AUTS2: variants seen among roughly 807,000 people sequenced by gnomAD.
The protein encoded by AUTS2 is autism susceptibility gene 2 protein.
Under a neutral mutation model 112.4 loss-of-function variants are expected in AUTS2, and 17 were observed. That is an observed-to-expected ratio of 0.15 (90% confidence interval 0.10 to 0.23). AUTS2 has a LOEUF of 0.23. AUTS2 is among the 10% of genes least tolerant of loss of function. The probability of loss-of-function intolerance (pLI) is 1.00; values close to 1 mark genes in which losing one functional copy is unlikely to be tolerated. For synonymous variants in AUTS2, 751 were observed against 702.7 expected, an observed-to-expected ratio of 1.07 and a Z score of -1.09; for missense variants, 1,510 against 1,701.6, an observed-to-expected ratio of 0.89 and a Z score of 1.98.
rs180958381 is a variant in AUTS2 at position 70,573,996 on chromosome 7, C to T, written c.691-124573C>T. On this transcript the variant is annotated intron_variant, in intron 5 of 18. Coordinates refer to ENST00000342771, the MANE Select transcript of AUTS2 (RefSeq NM_015570.4). ...CTCCATGAAGGTGTATGTCTGTGAG[C>T]CTGGCTGTGCAGTTGGGAGGCCTGG... is the stretch of plus-strand genomic sequence containing the variant. 9.3e-4 allele frequency among the ~76,000 whole-genome samples: 142 copies of T among 152,214 alleles called. 5 individuals carry two copies. In the East Asian group the frequency reaches 0.025, roughly 26 times the overall value.
chr7:70,475,891 T>C (rs766350391), intron 5 of AUTS2, among the ~76,000 whole-genome samples: 3 of 152,066 alleles, frequency 2.0e-5, no homozygotes, highest in Admixed American at 6.6e-5. Context: ...TTCCCAGGTA[T>C]GGTGGTGGGT....
intron 4 of AUTS2, among the ~76,000 whole-genome samples, chr7:70,381,610 C>T (rs896865650): frequency 1.3e-5 from 2 of 152,056 alleles, no homozygotes; most frequent in African/African-American, 4.8e-5. Flanking sequence ...ATATTGTGGA[C>T]CTAAATGGAG....
intron 5 of AUTS2, among the ~76,000 whole-genome samples, chr7:70,469,883 G>A (rs186262817): frequency 5.2e-4 from 79 of 152,224 alleles, no homozygotes; most frequent in Middle Eastern, 6.8e-3. Context: ...CAGGTGATCC[G>A]CCTGCCTTGG....
chr7:69,937,352 A>C (rs1173721026), intron 2 of AUTS2, among the ~76,000 whole-genome samples: 1 of 152,184 alleles, frequency 6.6e-6, no homozygotes, highest in Non-Finnish European at 1.5e-5. Flanking sequence ...TCGGAAACCA[A>C]AGATTTCCTT....
chr7:69,992,996 G>T (rs1584540717), intron 2 of AUTS2, among the ~76,000 whole-genome samples: 1 of 152,194 alleles, frequency 6.6e-6, no homozygotes, highest in Non-Finnish European at 1.5e-5. Context: ...CCTCAACTCA[G>T]AATATTATTG....
chr7:70,679,953 G>T (rs576829330), intron 5 of AUTS2, among the ~76,000 whole-genome samples: 1 of 152,192 alleles, frequency 6.6e-6, no homozygotes, highest in Non-Finnish European at 1.5e-5. Flanking sequence ...TAATGGCCCC[G>T]TAGTACCAAC....
intron 4 of AUTS2, among the ~76,000 whole-genome samples, chr7:70,139,306 T>C (rs1448983270): frequency 6.6e-6 from 1 of 152,176 alleles, no homozygotes; most frequent in Admixed American, 6.5e-5. Flanking sequence ...TGTCTAACCA[T>C]AGTTGCTTTT....
intron 1 of AUTS2, among the ~76,000 whole-genome samples, chr7:69,744,228 G>T (rs978162388): frequency 6.6e-5 from 10 of 152,106 alleles, no homozygotes; most frequent in African/African-American, 2.4e-4. Context: ...CTTTTGGGTT[G>T]TTTCCAATTT....
At chr7:70,267,176 G>A in intron 4 of AUTS2, among the ~76,000 whole-genome samples, 1 of 152,020 alleles carries the variant, frequency 6.6e-6, no homozygotes, top group East Asian at 1.9e-4. Flanking sequence ...ATATCTGTAT[G>A]CTGTAGCAAA....
rs34967195 is a variant in AUTS2, at chr7:70,119,367, ATTT to A, written c.624+1148_624+1150del. ...TTTGTGAAATGGATCAAGTAAAGAG[ATTT>A]TTTTTTTTTTTTTGAGACTGAGTCT... On this transcript the variant is annotated intron_variant, in intron 3 of 18. Coordinates refer to ENST00000342771, the MANE Select transcript of AUTS2 (RefSeq NM_015570.4). 1.8e-4 allele frequency: 25 copies of A among 138,244 alleles called. No homozygotes were observed. The East Asian group carries it at 3.5e-3, about 19-fold the overall frequency. 8.6% of individuals were successfully genotyped at this position (138,244 alleles called of 1,614,324 possible). A position where few individuals can be genotyped will look rare whatever the true frequency, so the allele number is the denominator to read the frequency against.
At chr7:70,102,654 A>T (rs1210843382) in intron 2 of AUTS2, among the ~76,000 whole-genome samples, 1 of 152,134 alleles carries the variant, frequency 6.6e-6, no homozygotes, top group South Asian at 2.1e-4. Context: ...TAATAATCTT[A>T]TACTAATAAG....
At position 70,435,787 on chromosome 7, in the gene AUTS2, A is replaced by C. The variant is rs751287298; in HGVS notation, c.690+6A>C. 6 of 1,612,540 alleles carry C rather than the reference A, an allele frequency of 3.7e-6. No individual in the cohort carries two copies. Among genetic ancestry groups the C allele is most frequent in the Non-Finnish European group, 2.5e-6 (3 of 1,179,498 alleles). ...ACAGTGACCAGGAAGAGAAGGTAAG[A>C]CCCCCCCTCCCCCATTGTGGGCACA... On this transcript the variant is annotated splice_donor_region_variant and intron_variant, in intron 5 of 18. Transcript: ENST00000342771.
At chr7:70,253,706 T>C (rs1378430801) in intron 4 of AUTS2, among the ~76,000 whole-genome samples, 1 of 152,184 alleles carries the variant, frequency 6.6e-6, no homozygotes, top group Non-Finnish European at 1.5e-5. Flanking sequence ...ATTAAGGCTT[T>C]AAAACTCTAT....
In AUTS2 at chr7:70,485,874, C is replaced by T. The variant is rs557703737; in HGVS notation, c.690+50093C>T. 4.6e-5 allele frequency among the ~76,000 whole-genome samples: 7 copies of T among 152,056 alleles called. No homozygotes were observed. In the South Asian group the frequency reaches 1.5e-3, roughly 32 times the overall value. On this transcript the variant is annotated intron_variant, in intron 5 of 18. Transcript: ENST00000342771. ...GTGCAGCTGTGGCCAGCTCTTCCTC[C>T]AGGAAGGAGACCTGAAGAGACGTAT...
chr7:69,855,244 T>C (rs1450862695), intron 1 of AUTS2, among the ~76,000 whole-genome samples: 2 of 152,112 alleles, frequency 1.3e-5, no homozygotes, highest in African/African-American at 4.8e-5. Flanking sequence ...AAATCAGAGG[T>C]TATAGTTCAT....
chr7:70,789,167 C>T (rs1791710355), intron 18 of AUTS2, among the ~76,000 whole-genome samples: 1 of 152,162 alleles, frequency 6.6e-6, no homozygotes, highest in Non-Finnish European at 1.5e-5. Context: ...CCTTTTGAGC[C>T]TTTCTCACGT....
intron 6 of AUTS2, among the ~76,000 whole-genome samples, chr7:70,729,892 A>G (rs184846109): frequency 2.0e-5 from 3 of 151,944 alleles, no homozygotes; most frequent in East Asian, 1.9e-4. Context: ...GTATGTATGT[A>G]TGTATTTAGA....
chr7:70,547,361 T>A (rs1431739432), intron 5 of AUTS2, among the ~76,000 whole-genome samples: 1 of 152,182 alleles, frequency 6.6e-6, no homozygotes, highest in Non-Finnish European at 1.5e-5. Context: ...GTCAAGCGAT[T>A]CTCCTGTTTC....
At chr7:70,332,670 C>T (rs555745688) in intron 4 of AUTS2, among the ~76,000 whole-genome samples, 1 of 152,224 alleles carries the variant, frequency 6.6e-6, no homozygotes, top group Non-Finnish European at 1.5e-5. Flanking sequence ...ACAACTACAA[C>T]CATCTGATCT....
Sources: gnomAD v4.1 joint callset for allele counts (sites outside exome capture counted in the v4.1 genomes callset) on GRCh38, gnomAD v4.1.1 for gene constraint, MANE v1.5 for transcripts, NCBI Gene and HGNC (gene_info 2026-07-23, HGNC 2026-07-21) for gene names.